The following RB1CC1 variants were observed in gnomAD, a reference collection of about 807,000 sequenced individuals.
RB1CC1 encodes the protein RB1 inducible coiled-coil 1.
RB1CC1 carries 46 observed loss-of-function variants against 177.5 expected under a neutral mutation model. The observed-to-expected ratio is 0.26, with a 90% CI of 0.20 to 0.33. The LOEUF is 0.33. RB1CC1 is among the 10% of genes least tolerant of loss of function. RB1CC1 has a pLI of 1.00. For missense variants in RB1CC1, 1,703 were observed against 1,816.3 expected (o/e 0.94, Z 1.13); for synonymous variants, 666 against 613.6 (o/e 1.09, Z -1.26).
At chr8:52,676,677 AT>A (rs1425961925) in intron 5 of RB1CC1, 106 bp from the exon 6 acceptor site, 2 of 986,780 alleles carry the variant, frequency 2.0e-6, no homozygotes, top group Non-Finnish European at 3.0e-6. Flanking sequence ...TGTAGAGCAC[AT>A]TTAACAAAGT....
At chr8:52,637,730 A>T (rs1849261229) in intron 18 of RB1CC1, among the ~76,000 whole-genome samples, 1 of 151,862 alleles carries the variant, frequency 6.6e-6, no homozygotes, top group African/African-American at 2.4e-5. Flanking sequence ...CCCAGGATGG[A>T]GGGCAGGGTC....
intron 1 of RB1CC1, among the ~76,000 whole-genome samples, chr8:52,693,029 T>G (rs994322671): frequency 6.6e-6 from 1 of 152,166 alleles, no homozygotes; most frequent in South Asian, 2.1e-4. Context: ...GGGGAAAGGA[T>G]TCCCTATTTA....
intron 5 of RB1CC1, among the ~76,000 whole-genome samples, chr8:52,680,088 A>T (rs1274628885): frequency 6.6e-6 from 1 of 151,422 alleles, no homozygotes; most frequent in Non-Finnish European, 1.5e-5. Context: ...ATTCATTCAA[A>T]CACAAGCAAA....
At chr8:52,651,869 A>T (rs1322713927) in intron 15 of RB1CC1, among the ~76,000 whole-genome samples, 1 of 152,238 alleles carries the variant, frequency 6.6e-6, no homozygotes, top group African/African-American at 2.4e-5. Flanking sequence ...ATGCATGAGT[A>T]AAAAAGTACA....
chr8:52,665,246 T>C (rs971851647), intron 8 of RB1CC1, among the ~76,000 whole-genome samples: 3 of 152,182 alleles, frequency 2.0e-5, no homozygotes, highest in Admixed American at 6.6e-5. Flanking sequence ...AGACAATATA[T>C]GATAAATTCT....
At chr8:52,669,785 C>G (rs1563411997) in intron 7 of RB1CC1, among the ~76,000 whole-genome samples, 1 of 152,182 alleles carries the variant, frequency 6.6e-6, no homozygotes, top group Non-Finnish European at 1.5e-5. Context: ...AAATGTTCAA[C>G]CTAGGCAAAA....
In RB1CC1 at chr8:52,684,016, T is replaced by G. The variant is rs185554303; in HGVS notation, c.72-3A>C. 1 of 1,608,586 alleles carries G rather than the reference T, an allele frequency of 6.2e-7. No individual in the cohort carries two copies. The highest frequency in any genetic ancestry group is 1.7e-5 in the Admixed American group (1 of 58,542). ...TGGCATGCTTAAGGTCTGCCACACT[T>G]CAAAAAATGAAATAAAATAAATCAG... On this transcript the variant is annotated splice_polypyrimidine_tract_variant and splice_region_variant and intron_variant, in intron 3 of 23. Transcript: ENST00000025008.
intron 6 of RB1CC1, among the ~76,000 whole-genome samples, chr8:52,674,563 G>GT (rs991420870): frequency 6.6e-6 from 1 of 152,134 alleles, no homozygotes; most frequent in African/African-American, 2.4e-5. Flanking sequence ...GAGGTCAGGA[G>GT]TTTGAGACCA....
chr8:52,660,735 T>G (rs933271283), intron 11 of RB1CC1, 78 bp from the exon 12 acceptor site: 1 of 1,351,830 alleles, frequency 7.4e-7, no homozygotes, highest in Non-Finnish European at 1.0e-6. Context: ...TTTGAAAAGG[T>G]AAATTAAAAG....
Position 52,658,942 on chromosome 8 carries a change from G to C in RB1CC1, c.1724C>G (p.Pro575Arg). The change falls in exon 13 of 24, where the codon CCA (proline) becomes CGA (arginine). Residue 575 changes from proline to arginine, a missense_variant. By Grantham distance (103) the Pro-to-Arg change is moderately radical. Around this residue, in one of 6 missense-constraint regions of RB1CC1, gnomAD observed 1,169 missense variants for 1,184.7 expected, o/e 0.99. Coordinates refer to ENST00000025008, the MANE Select transcript of RB1CC1 (RefSeq NM_014781.5). ...CTGTAAATCTTTTAATGAAATATCT[G>C]GAAGTTCACAGTCAAACTTTCGAGG... The part of the protein sequence containing the change: ...QKPRKFDCEL[P>R]DISLKDLQFL... The C allele has an allele frequency of 4.4e-6, 7 of 1,575,170 alleles. No individual in the cohort carries two copies. Among genetic ancestry groups the C allele is most frequent in the Non-Finnish European group, 6.0e-6 (7 of 1,161,682 alleles).
intron 18 of RB1CC1, among the ~76,000 whole-genome samples, chr8:52,637,702 C>T (rs1849258470): frequency 6.8e-6 from 1 of 146,826 alleles, no homozygotes; most frequent in African/African-American, 2.7e-5. Flanking sequence ...TTTTTTGAGA[C>T]AGAGTCTTGT....
chr8:52,692,528 C>T (rs1285626997), intron 1 of RB1CC1, among the ~76,000 whole-genome samples: 3 of 152,006 alleles, frequency 2.0e-5, no homozygotes, highest in Admixed American at 6.6e-5. Context: ...GAATTATCCG[C>T]ATCATTCATA....
At chr8:52,641,412 A>T (rs781091715) in intron 18 of RB1CC1, among the ~76,000 whole-genome samples, 6 of 150,928 alleles carry the variant, frequency 4.0e-5, no homozygotes, top group Non-Finnish European at 7.4e-5. Context: ...AAATTAAAAT[A>T]AAATAAAATA....
At chr8:52,667,121 T>C (rs2150525561) in intron 8 of RB1CC1, among the ~76,000 whole-genome samples, 1 of 152,096 alleles carries the variant, frequency 6.6e-6, no homozygotes, top group Middle Eastern at 3.4e-3. Context: ...AAAAGTAAAA[T>C]GCTAACAACC....
At chr8:52,699,831 ATATATATATATATAT>A (rs1375237597) in intron 1 of RB1CC1, among the ~76,000 whole-genome samples, 1 of 29,952 alleles carries the variant, frequency 3.3e-5, no homozygotes, top group Non-Finnish European at 8.0e-5. Context: ...AAAAAAAAAA[ATATATATATATATAT>A]ATATATATAT....
intron 19 of RB1CC1, among the ~76,000 whole-genome samples, chr8:52,635,402 TGGATTTTTATCAGACAA>T (rs1849057121): frequency 6.6e-6 from 1 of 152,194 alleles, no homozygotes. Context: ...ATTCTGAATT[TGGATTTTTATCAGACAA>T]TTACACTTGT....
chr8:52,670,904 C>T (rs1852512348), intron 7 of RB1CC1, among the ~76,000 whole-genome samples: 1 of 150,888 alleles, frequency 6.6e-6, no homozygotes, highest in East Asian at 1.9e-4. Flanking sequence ...TGCAGTGAGC[C>T]GAGATCGTGC....
At position 52,660,647 on chromosome 8, in the gene RB1CC1, A is replaced by T; in HGVS notation, c.1638T>A (p.Phe546Leu). ...GTCCCCTAAACAGACGATTTCTTAA[A>T]AAAGACTTCCCTGTATAAAGAAATT... ...ESFGKLFRKS[F>L]LRNRLFRGLD... The change falls in exon 12 of 24, where the codon TTT becomes TTA. Residue 546 changes from phenylalanine to leucine, a missense_variant. By Grantham distance (22) the Phe-to-Leu change is conservative. Around this residue, in one of 6 missense-constraint regions of RB1CC1, gnomAD observed 1,169 missense variants for 1,184.7 expected, o/e 0.99. Transcript: ENST00000025008. The T allele has an allele frequency of 6.3e-7, 1 of 1,599,910 alleles. No homozygotes were observed.
chr8:52,623,541 A>T lies in RB1CC1; in HGVS notation c.*241T>A. On this transcript the variant is annotated 3_prime_UTR_variant, in exon 24 of 24. Coordinates refer to ENST00000025008, the MANE Select transcript of RB1CC1 (RefSeq NM_014781.5). ...GAAGTAGTTTGGTCCGCATTTCTAGAGTTGTCTGGGTAAAAAAAAAAACCA... is the reference window on the plus strand; with the variant it reads ...GAAGTAGTTTGGTCCGCATTTCTAGTGTTGTCTGGGTAAAAAAAAAAACCA... The T allele has an allele frequency of 2.1e-6, 1 of 487,660 alleles. No individual in the cohort carries two copies. The highest frequency in any genetic ancestry group is 1.9e-5 in the South Asian group (1 of 52,782). The allele number at this position is 487,660 out of a possible 1,614,324, so 30.2% of individuals were successfully genotyped here.
Sources: gnomAD v4.1 joint callset for allele counts (sites outside exome capture counted in the v4.1 genomes callset) on GRCh38, gnomAD v4.1.1 for gene constraint, gnomAD v4.1.1 regional missense constraint, MANE v1.5 for transcripts, NCBI Gene and HGNC (gene_info 2026-07-23, HGNC 2026-07-21) for gene names.